HEATR1: variants seen among roughly 807,000 people sequenced by gnomAD.
HEATR1 encodes HEAT repeat-containing protein 1.
A neutral mutation model predicts 248.2 loss-of-function variants in HEATR1; 77 were observed. The ratio of observed to expected loss-of-function variants is 0.31; its 90% CI spans 0.26 to 0.37. The LOEUF (loss-of-function observed/expected upper bound fraction) is 0.37. Among genes scored for constraint, HEATR1 ranks in the 10% least tolerant of loss-of-function variants. HEATR1 has a pLI of 1.00. For missense variants in HEATR1, 2,420 were observed against 2,504.9 expected (o/e 0.97, Z 0.72); for synonymous variants, 897 against 923.1 (o/e 0.97, Z 0.51).
chr1:236,562,561 C>T (rs1009111676), intron 32 of HEATR1, among the ~76,000 whole-genome samples: 3 of 152,194 alleles, frequency 2.0e-5, no homozygotes, highest in African/African-American at 7.2e-5. Flanking sequence ...TGTTTCTGGG[C>T]CTACTGTTCA....
In HEATR1 at chr1:236,586,326, C is replaced by T. The variant is rs3738541; in HGVS notation, c.1842G>A (p.Thr614=). 0.05 allele frequency: 80,592 copies of T among 1,612,836 alleles called. 2,604 individuals are homozygous for T. The highest frequency in any genetic ancestry group is 0.13 in the East Asian group (6,012 of 44,814). The change falls in exon 15 of 45, where the codon ACG becomes ACA. Residue 614 remains threonine, a synonymous_variant. Coordinates refer to ENST00000366582, the MANE Select transcript of HEATR1 (RefSeq NM_018072.6). ...TAGCAATTTTCATCTCAGCAGATTCCGTATCATCATTATTGATAACCATAA... is the reference window on the plus strand; with the variant it reads ...TAGCAATTTTCATCTCAGCAGATTCTGTATCATCATTATTGATAACCATAA... ...LPFMVINNDD[T]ESAEMKIAIY...
At chr1:236,587,585 G>A (rs747330032) in intron 13 of HEATR1, 95 bp from the exon 14 acceptor site, 1 of 512,096 alleles carries the variant, frequency 2.0e-6, no homozygotes, top group African/African-American at 2.0e-5. Context: ...GAATTATAAG[G>A]AATTTCTCCC....
At position 236,569,127 on chromosome 1, in the gene HEATR1, G is replaced by C; in HGVS notation, c.3949-3C>G. ...ATGATATTGTGTAAAACTTTATCCT[G>C]AAAGAAAACACAACTATCAACATTT... On this transcript the variant is annotated splice_region_variant and splice_polypyrimidine_tract_variant and intron_variant, in intron 28 of 44. Transcript: ENST00000366582. The C allele has an allele frequency of 6.4e-7, 1 of 1,565,010 alleles. No individual in the cohort carries two copies. Among genetic ancestry groups the C allele is most frequent in the Non-Finnish European group, 8.6e-7 (1 of 1,160,770 alleles).
Position 236,576,199 on chromosome 1 carries a change from T to A in HEATR1, c.3084+20A>T. On this transcript the variant is annotated intron_variant, in intron 22 of 44. Coordinates refer to ENST00000366582, the MANE Select transcript of HEATR1 (RefSeq NM_018072.6). ...TTAGTAACATCACAGGAATGTACAA[T>A]CCACTTAAATGGCACATACCTCACC... is the stretch of plus-strand genomic sequence containing the variant. The A allele has an allele frequency of 1.9e-6, 3 of 1,561,938 alleles. No individual in the cohort carries two copies. Among genetic ancestry groups the A allele is most frequent in the Non-Finnish European group, 8.6e-7 (1 of 1,159,302 alleles).
chr1:236,566,175 C>G (rs1036834898), intron 30 of HEATR1, 130 bp from the exon 31 acceptor site: 2 of 799,302 alleles, frequency 2.5e-6, no homozygotes, highest in African/African-American at 3.5e-5. Context: ...TCGAGATCTA[C>G]TCCCAGATCC....
intron 5 of HEATR1, among the ~76,000 whole-genome samples, chr1:236,597,675 C>G (rs74949266): frequency 2.0e-3 from 298 of 146,728 alleles, no homozygotes; most frequent in African/African-American, 7.1e-3. Flanking sequence ...AGAAAAACAC[C>G]TTTGGTGATA....
At chr1:236,551,012 CA>C in intron 44 of HEATR1, 22 bp from the exon 45 acceptor site, 2 of 1,405,420 alleles carry the variant, frequency 1.4e-6, no homozygotes, top group Non-Finnish European at 1.9e-6. Flanking sequence ...AAAAAAAAAT[CA>C]AAATTAAAAT....
intron 4 of HEATR1, among the ~76,000 whole-genome samples, chr1:236,599,140 C>T (rs773660687): frequency 2.0e-5 from 3 of 152,030 alleles, no homozygotes; most frequent in Non-Finnish European, 2.9e-5. Context: ...CGGCATGGTA[C>T]GATACAAAGG....
intron 38 of HEATR1, 60 bp from the exon 39 acceptor site, chr1:236,555,999 G>A (rs1572031511): frequency 1.9e-6 from 3 of 1,605,022 alleles, no homozygotes; most frequent in African/African-American, 2.7e-5. Context: ...GTTCAGCGGT[G>A]TGTATTTTTA....
At chr1:236,581,670 C>T (rs1428945034) in intron 19 of HEATR1, among the ~76,000 whole-genome samples, 8 of 152,246 alleles carry the variant, frequency 5.3e-5, no homozygotes, top group East Asian at 1.9e-4. Context: ...GTATCTGGGA[C>T]GCCTAATTAA....
chr1:236,585,034 A>T lies in HEATR1; in HGVS notation c.2232T>A (p.Ile744=). ...ATTCTGCTTTCCTTACCACTGCAGT[A>T]ATGACACTTTCAAGCTTCTTTATTT... The part of the protein sequence containing the change: ...QKKIKKLESV[I]TAVEIPSEWH... The change falls in exon 17 of 45, where the codon ATT becomes ATA. Residue 744 remains isoleucine, a synonymous_variant. Transcript: ENST00000366582. 2 of 1,612,816 alleles carry T rather than the reference A, an allele frequency of 1.2e-6. No homozygotes were observed. Among genetic ancestry groups the T allele is most frequent in the Non-Finnish European group, 1.7e-6 (2 of 1,179,538 alleles).
At position 236,558,249 on chromosome 1, in the gene HEATR1, G is replaced by A; in HGVS notation, c.5192C>T (p.Pro1731Leu). Residue 1731 changes from proline (P) to leucine (L), a missense_variant, in exon 36 of 45, where the codon CCC becomes CTC. Coordinates refer to ENST00000366582, the MANE Select transcript of HEATR1 (RefSeq NM_018072.6). ...TCCGGCCGCATACCTGGGAAGCTGGGGGATGGCCAGCGCCTCCAGGGTGGA... is the reference window on the plus strand; with the variant it reads ...TCCGGCCGCATACCTGGGAAGCTGGAGGATGGCCAGCGCCTCCAGGGTGGA... ...VTSTLEALAI[P>L]QLPSLMPSLL... The A allele has an allele frequency of 1.9e-6, 3 of 1,611,908 alleles. No individual in the cohort carries two copies. The highest frequency in any genetic ancestry group is 2.5e-6 in the Non-Finnish European group (3 of 1,178,838).
At chr1:236,553,379 A>G (rs1002657625) in intron 43 of HEATR1, among the ~76,000 whole-genome samples, 2 of 152,184 alleles carry the variant, frequency 1.3e-5, no homozygotes, top group African/African-American at 4.8e-5. Flanking sequence ...TTCTTTACAA[A>G]TAGCCTGTAA....
At chr1:236,558,829 T>A (rs1357183370) in intron 35 of HEATR1, among the ~76,000 whole-genome samples, 166 bp downstream of exon 35, 1 of 152,324 alleles carries the variant, frequency 6.6e-6, no homozygotes. Context: ...ACACATATAT[T>A]CCCGTTAGAA....
chr1:236,588,101 G>T, intron 12 of HEATR1, 58 bp from the exon 13 acceptor site: 1 of 1,281,556 alleles, frequency 7.8e-7, no homozygotes, highest in Non-Finnish European at 1.1e-6. Context: ...TTAAGGCTTT[G>T]CACTAGAAAG....
intron 3 of HEATR1, among the ~76,000 whole-genome samples, chr1:236,599,971 C>A (rs1262543096): frequency 1.3e-5 from 2 of 152,076 alleles, no homozygotes; most frequent in Non-Finnish European, 2.9e-5. Context: ...CGGGTCACTG[C>A]AGCCTCAACC....
At position 236,558,246 on chromosome 1, in the gene HEATR1, T is replaced by G. The variant is rs1220258090; in HGVS notation, c.5195A>C (p.Gln1732Pro). 1.9e-6 allele frequency: 3 copies of G among 1,611,218 alleles called. No individual in the cohort carries two copies. The highest frequency in any genetic ancestry group is 2.5e-6 in the Non-Finnish European group (3 of 1,178,514). The change falls in exon 36 of 45, where the codon CAG becomes CCG. Residue 1732 changes from glutamine to proline, a missense_variant. Transcript: ENST00000366582. ...TSTLEALAIP[Q>P]LPSLMPSLLT... ...GTCTCCGGCCGCATACCTGGGAAGCTGGGGGATGGCCAGCGCCTCCAGGGT... is the reference window on the plus strand; with the variant it reads ...GTCTCCGGCCGCATACCTGGGAAGCGGGGGGATGGCCAGCGCCTCCAGGGT...
Position 236,592,129 on chromosome 1 carries a change from G to A in HEATR1, c.1305-19C>T. 1 of 1,184,272 alleles carries A rather than the reference G, an allele frequency of 8.4e-7. No homozygotes were observed. The highest frequency in any genetic ancestry group is 2.4e-5 in the East Asian group (1 of 42,230). The allele number at this position is 1,184,272 out of a possible 1,614,324, so 73.4% of individuals were successfully genotyped here. ...GGGGTATCTGGGAAGCAATTAAAAA[G>A]TGAATTCATTATTCTTAATAAATTT... On this transcript the variant is annotated intron_variant, in intron 10 of 44. Transcript: ENST00000366582.
chr1:236,591,903 GA>G (rs1334248493), intron 11 of HEATR1, 89 bp downstream of exon 11: 3 of 721,816 alleles, frequency 4.2e-6, no homozygotes, highest in Non-Finnish European at 7.0e-6. Flanking sequence ...CCACACAAGG[GA>G]AAAAAGTGGC....
Sources: allele counts gnomAD v4.1 joint callset (sites outside exome capture counted in the v4.1 genomes callset), GRCh38; gene constraint gnomAD v4.1.1; transcripts MANE v1.5; gene names NCBI Gene and HGNC (gene_info 2026-07-23, HGNC 2026-07-21).